FARP1: variants seen among roughly 807,000 people sequenced by gnomAD.
FARP1 encodes the protein FERM, ARH/RhoGEF and pleckstrin domain protein 1, also known as FERM, ARHGEF and pleckstrin domain-containing protein 1.
A neutral mutation model predicts 128.8 loss-of-function variants in FARP1; 52 were observed. That is an observed-to-expected ratio of 0.40 (90% CI 0.32 to 0.51). The LOEUF is 0.51. FARP1 is among the 20% of genes least tolerant of loss of function. FARP1 has a pLI of 0.45. For missense variants in FARP1, 1,333 were observed against 1,367.9 expected, an observed-to-expected ratio of 0.97 and a Z score of 0.40; for synonymous variants, 580 against 551.8, an observed-to-expected ratio of 1.05 and a Z score of -0.72.
intron 1 of FARP1, among the ~76,000 whole-genome samples, chr13:98,150,732 C>T (rs1185004257): frequency 1.3e-5 from 2 of 151,990 alleles, no homozygotes; most frequent in Non-Finnish European, 2.9e-5. Context: ...TTTGTTCTTA[C>T]CTAACTAAAA....
intron 2 of FARP1, among the ~76,000 whole-genome samples, chr13:98,317,712 A>G (rs1297577086): frequency 2.0e-5 from 3 of 152,170 alleles, no homozygotes; most frequent in Non-Finnish European, 2.9e-5. Flanking sequence ...GGCTTAAACA[A>G]CAGAATTGTA....
chr13:98,179,798 A>G (rs1315173887), intron 1 of FARP1, among the ~76,000 whole-genome samples: 1 of 152,122 alleles, frequency 6.6e-6, no homozygotes. Context: ...CAGAGCTTAC[A>G]GTGAGCCGAG....
chr13:98,313,457 G>T (rs1886581246), intron 2 of FARP1, among the ~76,000 whole-genome samples: 1 of 152,236 alleles, frequency 6.6e-6, no homozygotes, highest in African/African-American at 2.4e-5. Context: ...ACCAGGAGAG[G>T]CATGGAGCAG....
intron 2 of FARP1, among the ~76,000 whole-genome samples, chr13:98,247,113 A>T (rs1476512567): frequency 6.6e-6 from 1 of 152,186 alleles, no homozygotes; most frequent in African/African-American, 2.4e-5. Context: ...TGTAACCCGC[A>T]TGCCTGTAAT....
At chr13:98,179,200 G>A (rs990247820) in intron 1 of FARP1, among the ~76,000 whole-genome samples, 1 of 134,702 alleles carries the variant, frequency 7.4e-6, no homozygotes, top group Non-Finnish European at 1.6e-5. Flanking sequence ...GGCATGTCTC[G>A]CATGGCAGCA....
intron 2 of FARP1, among the ~76,000 whole-genome samples, chr13:98,287,472 G>A (rs577962426): frequency 2.9e-4 from 44 of 151,704 alleles, no homozygotes; most frequent in Non-Finnish European, 4.7e-4. Flanking sequence ...CTCGTGATCC[G>A]CCCATCTCAG....
intron 13 of FARP1, chr13:98,395,713 A>G: frequency 2.2e-6 from 1 of 449,008 alleles, no homozygotes; most frequent in Non-Finnish European, 3.9e-6. Context: ...GCACTCTGCG[A>G]AGTCCTCCCG....
chr13:98,425,961 A>G (rs1844035542), intron 17 of FARP1, among the ~76,000 whole-genome samples: 1 of 152,176 alleles, frequency 6.6e-6, no homozygotes, highest in African/African-American at 2.4e-5. Context: ...AACTGCCCAG[A>G]GCCTGTATGA....
intron 1 of FARP1, chr13:98,177,246 T>C: frequency 1.3e-6 from 2 of 1,539,242 alleles, no homozygotes; most frequent in Non-Finnish European, 1.7e-6. Context: ...TGTTTGAGTC[T>C]CAGGCTCCCA....
At chr13:98,275,966 G>A (rs1884637401) in intron 2 of FARP1, among the ~76,000 whole-genome samples, 1 of 152,194 alleles carries the variant, frequency 6.6e-6, no homozygotes, top group Non-Finnish European at 1.5e-5. Context: ...AAGGTCGGCG[G>A]GGGTATGATG....
At chr13:98,350,870 C>T (rs1182006778) in intron 3 of FARP1, among the ~76,000 whole-genome samples, 1 of 152,132 alleles carries the variant, frequency 6.6e-6, no homozygotes, top group Admixed American at 6.6e-5. Flanking sequence ...CCTGCTGGTT[C>T]TGACACTCCA....
intron 13 of FARP1, chr13:98,396,279 C>T (rs1890543088): frequency 2.5e-6 from 1 of 399,062 alleles, no homozygotes; most frequent in South Asian, 1.3e-4. Context: ...AGCTGGCACC[C>T]CTGCAAGTGA....
In FARP1 at chr13:98,146,417, G is replaced by C. The variant is rs548300631; in HGVS notation, c.-24+2925G>C. ...CTAATTTTCTGTTTTTAGTAGAGAC[G>C]GGGTTTCTCCATGTTGGTCAGGCTG... On this transcript the variant is annotated intron_variant, in intron 1 of 26. Transcript: ENST00000319562. Among the ~76,000 whole-genome samples the C allele has an allele frequency of 4.9e-4, 75 of 152,260 alleles. 2 individuals carry two copies. The highest frequency in any genetic ancestry group is 1.6e-3 in the African/African-American group (65 of 41,560).
intron 2 of FARP1, among the ~76,000 whole-genome samples, chr13:98,236,092 T>C (rs927588554): frequency 5.9e-5 from 9 of 152,204 alleles, no homozygotes; most frequent in African/African-American, 2.2e-4. Flanking sequence ...CCGAAACTCA[T>C]ATAATTGGAA....
chr13:98,153,956 C>A (rs1284345865), intron 1 of FARP1, among the ~76,000 whole-genome samples: 2 of 152,116 alleles, frequency 1.3e-5, no homozygotes, highest in African/African-American at 2.4e-5. Context: ...TTGTGCTGCA[C>A]CCCCAGTCCC....
In FARP1 at chr13:98,439,096, G is replaced by A. The variant is rs1458491126; in HGVS notation, c.2344-11G>A. On this transcript the variant is annotated splice_polypyrimidine_tract_variant and intron_variant, in intron 20 of 26. Transcript: ENST00000319562. Reference sequence around the variant, plus strand: ...CGTGGTCTCACCTCCACACACTTCTGATTCCTCCAGTTCAACGACGTCCTG... The same window carrying A: ...CGTGGTCTCACCTCCACACACTTCTAATTCCTCCAGTTCAACGACGTCCTG... 2 of 1,610,710 alleles carry A rather than the reference G, an allele frequency of 1.2e-6. No homozygotes were observed. Among genetic ancestry groups the A allele is most frequent in the African/African-American group, 2.7e-5 (2 of 74,872 alleles).
At position 98,450,434 on chromosome 13, in the gene FARP1, T is replaced by TA. The variant is rs56369818; in HGVS notation, c.*2121dup. On this transcript the variant is annotated 3_prime_UTR_variant, in exon 27 of 27. Coordinates refer to ENST00000319562, the MANE Select transcript of FARP1 (RefSeq NM_005766.4). The stretch of plus-strand genomic sequence containing the variant: ...CCACTTCACAAGAGCAATGCAGGGA[T>TA]AAAACTATTGGATAAGGAAGGCAGA... 0.073 allele frequency: 11,039 copies of TA among 152,254 alleles called. 510 individuals carry two copies. The highest frequency in any genetic ancestry group is 0.15 in the Middle Eastern group (43 of 294). The allele number at this position is 152,254 out of a possible 1,614,324, so 9.4% of individuals were successfully genotyped here.
At chr13:98,417,868 C>T (rs1336090767) in intron 16 of FARP1, among the ~76,000 whole-genome samples, 1 of 152,154 alleles carries the variant, frequency 6.6e-6, no homozygotes, top group Non-Finnish European at 1.5e-5. Context: ...GAATTAAATA[C>T]TTTTCTCATC....
At chr13:98,341,280 AG>A (rs528324512) in intron 2 of FARP1, among the ~76,000 whole-genome samples, 20 of 152,050 alleles carry the variant, frequency 1.3e-4, no homozygotes, top group Non-Finnish European at 2.2e-4. Flanking sequence ...CTCAGTCTCC[AG>A]GGTTACTAAT....
Sources: gnomAD v4.1 joint callset for allele counts (sites outside exome capture counted in the v4.1 genomes callset) on GRCh38, gnomAD v4.1.1 for gene constraint, MANE v1.5 for transcripts, NCBI Gene and HGNC (gene_info 2026-07-23, HGNC 2026-07-21) for gene names.